FOXN3: variants seen among roughly 807,000 people sequenced by gnomAD.
FOXN3 encodes the protein forkhead box protein N3.
In FOXN3, 7 loss-of-function variants were observed where a neutral mutation model predicts 38.4. That is an observed-to-expected ratio of 0.18 (90% CI 0.10 to 0.34). FOXN3 has a LOEUF of 0.34. FOXN3 is among the 10% of genes least tolerant of loss of function. The pLI is 1.00. For missense variants in FOXN3, 456 were observed against 613.4 expected (o/e 0.74, Z 2.71); for synonymous variants, 230 against 242.2 (o/e 0.95, Z 0.47).
intron 1 of FOXN3, among the ~76,000 whole-genome samples, chr14:89,528,544 G>A (rs1894484795): frequency 1.3e-5 from 2 of 151,854 alleles, no homozygotes; most frequent in African/African-American, 2.4e-5. Context: ...CTACAGGCAT[G>A]TGCCACCATG....
intron 4 of FOXN3, among the ~76,000 whole-genome samples, chr14:89,273,668 T>G (rs1471144041): frequency 6.6e-6 from 1 of 152,228 alleles, no homozygotes; most frequent in East Asian, 1.9e-4. Flanking sequence ...GTTCTGCATG[T>G]TCTCACTGAC....
intron 4 of FOXN3, among the ~76,000 whole-genome samples, chr14:89,249,378 A>G (rs1188106301): frequency 6.6e-6 from 1 of 152,122 alleles, no homozygotes; most frequent in Non-Finnish European, 1.5e-5. Flanking sequence ...CAGCTGAGTA[A>G]CTCTTAGAGC....
intron 4 of FOXN3, among the ~76,000 whole-genome samples, chr14:89,216,988 C>T (rs1261100964): frequency 6.6e-6 from 1 of 152,134 alleles, no homozygotes; most frequent in Admixed American, 6.5e-5. Context: ...CCCAGCCTGG[C>T]CCTATGCTGT....
At chr14:89,366,441 A>G (rs1890156609) in intron 2 of FOXN3, among the ~76,000 whole-genome samples, 1 of 152,166 alleles carries the variant, frequency 6.6e-6, no homozygotes, top group Non-Finnish European at 1.5e-5. Flanking sequence ...TGCATAAGCA[A>G]ATTACAAAGA....
At chr14:89,571,150 C>T (rs1012140754) in intron 1 of FOXN3, among the ~76,000 whole-genome samples, 3 of 152,116 alleles carry the variant, frequency 2.0e-5, no homozygotes, top group African/African-American at 7.2e-5. Flanking sequence ...TTCTTAACCC[C>T]TAGACAGGTA....
intron 4 of FOXN3, among the ~76,000 whole-genome samples, chr14:89,215,060 CA>C (rs1420602989): frequency 3.9e-5 from 6 of 152,162 alleles, no homozygotes; most frequent in African/African-American, 1.4e-4. Context: ...CTAAACCAGA[CA>C]AAAACAGGAT....
Position 89,164,064 on chromosome 14 carries a change from G to A in FOXN3, c.852-1095C>T, listed in dbSNP as rs137911707. Among the ~76,000 whole-genome samples, 116 of 152,340 alleles carry A rather than the reference G, an allele frequency of 7.6e-4. No individual in the cohort carries two copies. The highest frequency in any genetic ancestry group is 2.7e-3 in the African/African-American group (111 of 41,572). On this transcript the variant is annotated intron_variant, in intron 5 of 5. Coordinates refer to ENST00000557258, the MANE Select transcript of FOXN3 (RefSeq NM_005197.4). This position sits in a 1 kb window ranked among gnomAD's most constrained non-coding sequence, Gnocchi z 4.3. ...AACTACACCTGCTCCCCGTGGGTGTGGGGCTGAGGACACGAATTAATGCCT... is the reference window on the plus strand; with the variant it reads ...AACTACACCTGCTCCCCGTGGGTGTAGGGCTGAGGACACGAATTAATGCCT...
chr14:89,324,504 T>G (rs957312043), intron 3 of FOXN3, among the ~76,000 whole-genome samples: 1 of 151,154 alleles, frequency 6.6e-6, no homozygotes, highest in Non-Finnish European at 1.5e-5. Flanking sequence ...ACATCTTTAC[T>G]AGCAGGGAAA....
intron 1 of FOXN3, among the ~76,000 whole-genome samples, chr14:89,527,475 C>T (rs1277080303): frequency 6.6e-6 from 1 of 152,122 alleles, no homozygotes; most frequent in African/African-American, 2.4e-5. Flanking sequence ...GCATATCACA[C>T]ATTTGATGAA....
chr14:89,217,500 C>A (rs952922059), intron 4 of FOXN3, among the ~76,000 whole-genome samples: 33 of 152,096 alleles, frequency 2.2e-4, no homozygotes, highest in Non-Finnish European at 7.4e-5. Context: ...AGAAGAGTGC[C>A]AAAGACTCAG....
chr14:89,458,869 G>A lies in FOXN3; in HGVS notation c.-14-46379C>T, dbSNP rs561721044. 3.9e-4 allele frequency among the ~76,000 whole-genome samples: 59 copies of A among 152,174 alleles called. 1 individual carries two copies. The South Asian group carries it at 0.011, about 28-fold the overall frequency. On this transcript the variant is annotated intron_variant, in intron 1 of 6. Coordinates refer to the FOXN3 transcript ENST00000345097. Reference sequence around the variant, plus strand: ...AAGCCCTTAAATAAAGATTCACCACGCTCAGTCCAGCTCCACTCACAGCCA... The same window carrying A: ...AAGCCCTTAAATAAAGATTCACCACACTCAGTCCAGCTCCACTCACAGCCA...
chr14:89,344,178 A>G (rs1025403404), intron 3 of FOXN3, among the ~76,000 whole-genome samples: 1 of 152,188 alleles, frequency 6.6e-6, no homozygotes, highest in Admixed American at 6.5e-5. Context: ...GTACATGTTA[A>G]GCCACAATAC....
chr14:89,245,512 GTTTTC>G (rs1181984346), intron 4 of FOXN3, among the ~76,000 whole-genome samples: 31 of 151,178 alleles, frequency 2.1e-4, no homozygotes, highest in African/African-American at 2.4e-5. Context: ...GGTTTCTCCA[GTTTTC>G]TTTTCTTTAA....
At chr14:89,295,955 A>G (rs533759127) in intron 3 of FOXN3, among the ~76,000 whole-genome samples, 63 of 152,144 alleles carry the variant, frequency 4.1e-4, no homozygotes, top group African/African-American at 1.4e-3. Context: ...AAACTAGCCT[A>G]TAGTAACACA....
At chr14:89,432,479 G>C (rs1892179763) in intron 1 of FOXN3, among the ~76,000 whole-genome samples, 1 of 152,182 alleles carries the variant, frequency 6.6e-6, no homozygotes, top group Non-Finnish European at 1.5e-5. Flanking sequence ...ACCGTGCCAA[G>C]AGCTTTACCT....
At chr14:89,430,813 C>T (rs1892139038) in intron 1 of FOXN3, among the ~76,000 whole-genome samples, 1 of 152,214 alleles carries the variant, frequency 6.6e-6, no homozygotes, top group African/African-American at 2.4e-5. Flanking sequence ...GACGGAGGTT[C>T]TGCCTAACCA....
chr14:89,371,975 C>A (rs1409065429), intron 2 of FOXN3, among the ~76,000 whole-genome samples: 2 of 152,098 alleles, frequency 1.3e-5, no homozygotes, highest in Non-Finnish European at 2.9e-5. Flanking sequence ...AGTGCACCCC[C>A]GGCTTTGCTA....
chr14:89,421,771 T>A (rs1200158843), upstream of FOXN3, among the ~76,000 whole-genome samples: 1 of 150,190 alleles, frequency 6.7e-6, no homozygotes, highest in Admixed American at 6.6e-5. Flanking sequence ...TCAGGTGATC[T>A]GCCCGCCTCA....
intron 4 of FOXN3, among the ~76,000 whole-genome samples, chr14:89,242,429 G>A (rs555631548): frequency 2.8e-4 from 43 of 152,188 alleles, no homozygotes; most frequent in African/African-American, 1.0e-3. Flanking sequence ...ATTTGAGAAT[G>A]GCCTGAAGGT....
Sources: allele counts gnomAD v4.1 joint callset (sites outside exome capture counted in the v4.1 genomes callset), GRCh38; gene constraint gnomAD v4.1.1; non-coding constraint Gnocchi (gnomAD v3.1); transcripts MANE v1.5; gene names NCBI Gene and HGNC (gene_info 2026-07-23, HGNC 2026-07-21).